The following SPATA12 variants were observed in gnomAD, a reference collection of about 807,000 sequenced individuals.
SPATA12 encodes spermatogenesis associated 12.
For synonymous variants in SPATA12, 85 were observed against 89.2 expected, an observed-to-expected ratio of 0.95 and a Z score of 0.26; for missense variants, 219 against 226.4, an observed-to-expected ratio of 0.97 and a Z score of 0.21.
intron 1 of SPATA12, among the ~76,000 whole-genome samples, chr3:57,065,423 TGCACTCCA>T (rs1230249140): frequency 1.3e-5 from 2 of 151,718 alleles, no homozygotes; most frequent in Non-Finnish European, 2.9e-5. Context: ...ATTATGTCAC[TGCACTCCA>T]GCCTGGGCAA....
In SPATA12 at chr3:57,073,576, G is replaced by A; in HGVS notation, c.-119G>A. ...TTGGTGGTGGGGTGTGGCTGAAGGT[G>A]AATTGGAACAGTGCACTCAGAGCCA... On this transcript the variant is annotated 5_prime_UTR_variant, in exon 2 of 2. Transcript: ENST00000334325. 6.9e-7 allele frequency: 1 copy of A among 1,445,790 alleles called. No individual in the cohort carries two copies. The highest frequency in any genetic ancestry group is 1.4e-5 in the African/African-American group (1 of 69,984). The allele number at this position is 1,445,790 out of a possible 1,614,324, so 89.6% of individuals were successfully genotyped here.
At chr3:57,067,150 C>G (rs1705583701) in intron 1 of SPATA12, among the ~76,000 whole-genome samples, 1 of 152,016 alleles carries the variant, frequency 6.6e-6, no homozygotes, top group Non-Finnish European at 1.5e-5. Context: ...TATGGCAACC[C>G]AGAAAGAATA....
chr3:57,074,559 T>A lies in SPATA12; in HGVS notation c.*292T>A. On this transcript the variant is annotated 3_prime_UTR_variant, in exon 2 of 2. Coordinates refer to ENST00000334325, the MANE Select transcript of SPATA12 (RefSeq NM_181727.2). ...CTTCACTGTATTAAATGACATCAATTGATCAATCAATCGATCAATCAATGA... is the reference window on the plus strand; with the variant it reads ...CTTCACTGTATTAAATGACATCAATAGATCAATCAATCGATCAATCAATGA... 2.7e-6 allele frequency: 1 copy of A among 369,934 alleles called. No individual in the cohort carries two copies. Among genetic ancestry groups the A allele is most frequent in the East Asian group, 4.8e-5 (1 of 20,948 alleles). The allele number at this position is 369,934 out of a possible 1,614,324, so 22.9% of individuals were successfully genotyped here.
Position 57,074,346 on chromosome 3 carries a change from TC to T in SPATA12, c.*84del. 1.5e-6 allele frequency: 2 copies of T among 1,291,998 alleles called. No individual in the cohort carries two copies. The highest frequency in any genetic ancestry group is 2.2e-6 in the Non-Finnish European group (2 of 915,234). The allele number at this position is 1,291,998 out of a possible 1,614,324, so 80.0% of individuals were successfully genotyped here. A position where few individuals can be genotyped will look rare whatever the true frequency, so the allele number is the denominator to read the frequency against. ...TGCACATGCTATGCCCTCCCTTCCA[TC>T]CCCCACCCCCACCAGGGGTGACTCG... On this transcript the variant is annotated 3_prime_UTR_variant, in exon 2 of 2. Transcript: ENST00000334325.
intron 1 of SPATA12, among the ~76,000 whole-genome samples, chr3:57,064,918 C>T (rs1475474377): frequency 1.3e-5 from 2 of 152,242 alleles, no homozygotes; most frequent in Non-Finnish European, 2.9e-5. Context: ...ATAGTCAACA[C>T]AGTAAATTTT....
At chr3:57,068,919 ATTTTT>A (rs35984791) in intron 1 of SPATA12, among the ~76,000 whole-genome samples, 1 of 138,270 alleles carries the variant, frequency 7.2e-6, no homozygotes, top group Non-Finnish European at 1.6e-5. Context: ...AAAAGATCTG[ATTTTT>A]TTTTTTTTTT....
Position 57,073,768 on chromosome 3 carries a change from ACT to A in SPATA12, c.77_78del (p.Ser26PhefsTer54). 1.2e-6 allele frequency: 2 copies of A among 1,613,990 alleles called. No individual in the cohort carries two copies. Among genetic ancestry groups the A allele is most frequent in the Non-Finnish European group, 1.7e-6 (2 of 1,180,006 alleles). ...GACACCTGGGAAATGAAGGCACTAG[ACT>A]CTTCCAGACTCGTTCCATGGCCACC... is the stretch of plus-strand genomic sequence containing the variant. On this transcript the variant is annotated frameshift_variant, in exon 2 of 2. Coordinates refer to ENST00000334325, the MANE Select transcript of SPATA12 (RefSeq NM_181727.2). LOFTEE classifies it low-confidence loss of function (END_TRUNC).
At chr3:57,063,102 C>A (rs1452008424) in intron 1 of SPATA12, among the ~76,000 whole-genome samples, 1 of 152,152 alleles carries the variant, frequency 6.6e-6, no homozygotes, top group African/African-American at 2.4e-5. Context: ...AAATGAGGGA[C>A]CAAGCTCTGC....
chr3:57,074,427 G>C lies in SPATA12; in HGVS notation c.*160G>C. ...ATCACTTTTTCCAAGAAGCCTCCCT[G>C]TCACACTTCCCCAATATCACAGATG... On this transcript the variant is annotated 3_prime_UTR_variant, in exon 2 of 2. Coordinates refer to ENST00000334325, the MANE Select transcript of SPATA12 (RefSeq NM_181727.2). 5 of 639,282 alleles carry C rather than the reference G, an allele frequency of 7.8e-6. No individual in the cohort carries two copies. In the South Asian group the frequency reaches 9.9e-5, roughly 13 times the overall value. The allele number at this position is 639,282 out of a possible 1,614,324, so 39.6% of individuals were successfully genotyped here. A position where few individuals can be genotyped will look rare whatever the true frequency, so the allele number is the denominator to read the frequency against.
At chr3:57,063,647 A>C (rs1302078703) in intron 1 of SPATA12, among the ~76,000 whole-genome samples, 2 of 152,174 alleles carry the variant, frequency 1.3e-5, no homozygotes. Flanking sequence ...AGAGTCGGGC[A>C]TCCTAGAAGC....
At position 57,073,983 on chromosome 3, in the gene SPATA12, T is replaced by G. The variant is rs1478247214; in HGVS notation, c.289T>G (p.Ser97Ala). 1.2e-6 allele frequency: 2 copies of G among 1,614,086 alleles called. No homozygotes were observed. Among genetic ancestry groups the G allele is most frequent in the Non-Finnish European group, 8.5e-7 (1 of 1,180,050 alleles). ...AGCCATCTCTCTTGACATCGCTGTATCCCAAATAAATCTTCTGGGAAGACC... is the reference window on the plus strand; with the variant it reads ...AGCCATCTCTCTTGACATCGCTGTAGCCCAAATAAATCTTCTGGGAAGACC... ...QAAISLDIAV[S>A]QINLLGRPSS... Residue 97 changes from serine (S) to alanine (A), a missense_variant, in exon 2 of 2, where the codon TCC becomes GCC. Coordinates refer to ENST00000334325, the MANE Select transcript of SPATA12 (RefSeq NM_181727.2).
intron 1 of SPATA12, among the ~76,000 whole-genome samples, chr3:57,067,592 T>C (rs1182982250): frequency 6.6e-6 from 1 of 151,034 alleles, no homozygotes; most frequent in Non-Finnish European, 1.5e-5. Flanking sequence ...CCCAGCACAC[T>C]GGGAGGCTGA....
intron 1 of SPATA12, among the ~76,000 whole-genome samples, chr3:57,069,045 C>T (rs557474536): frequency 1.1e-4 from 16 of 151,834 alleles, no homozygotes; most frequent in African/African-American, 3.9e-4. Flanking sequence ...CTCAGCCTCT[C>T]TCTAGTAACT....
intron 1 of SPATA12, among the ~76,000 whole-genome samples, chr3:57,069,586 T>C (rs773641930): frequency 1.9e-4 from 29 of 152,238 alleles, no homozygotes; most frequent in Non-Finnish European, 3.5e-4. Flanking sequence ...AAATCATGTA[T>C]TTGTGCTGTG....
intron 1 of SPATA12, among the ~76,000 whole-genome samples, chr3:57,068,587 T>C (rs75872475): frequency 0.026 from 3,995 of 152,210 alleles, 169 homozygotes; most frequent in African/African-American, 0.09. Context: ...ACCATTTGAG[T>C]TTGCAAGACT....
rs1268850159 is a variant in SPATA12 at position 57,073,938 on chromosome 3, T to C, written c.244T>C (p.Cys82Arg). 1 of 1,614,220 alleles carries C rather than the reference T, an allele frequency of 6.2e-7. No individual in the cohort carries two copies. The highest frequency in any genetic ancestry group is 1.7e-5 in the Admixed American group (1 of 60,030). ...GGGGGATGTGTGCCAAAGTGAGACC[T>C]GTCAGAGATATTTACAAGCAGCCAT... ...FQGDVCQSET[C>R]QRYLQAAISL... Residue 82 changes from cysteine (C) to arginine (R), a missense_variant, in exon 2 of 2, where the codon TGT (cysteine) becomes CGT (arginine). Coordinates refer to ENST00000334325, the MANE Select transcript of SPATA12 (RefSeq NM_181727.2).
At chr3:57,068,114 G>A (rs774709896) in intron 1 of SPATA12, among the ~76,000 whole-genome samples, 9 of 151,928 alleles carry the variant, frequency 5.9e-5, no homozygotes, top group African/African-American at 7.3e-5. Context: ...CACTAGACAC[G>A]CATAGGGTAA....
rs555793197 is a variant in SPATA12, at chr3:57,067,262, T to C, written c.-329-6104T>C. On this transcript the variant is annotated intron_variant, in intron 1 of 1. Coordinates refer to ENST00000334325, the MANE Select transcript of SPATA12 (RefSeq NM_181727.2). ...GTCAGGAGATCGAGACTATCCTGGC[T>C]AACACGGTGAAACCCTGTCTCTTCT... 5.3e-5 allele frequency among the ~76,000 whole-genome samples: 8 copies of C among 151,676 alleles called. No homozygotes were observed. In the South Asian group the frequency reaches 6.2e-4, roughly 12 times the overall value.
At chr3:57,069,902 C>T (rs533207167) in intron 1 of SPATA12, among the ~76,000 whole-genome samples, 1 of 152,350 alleles carries the variant, frequency 6.6e-6, no homozygotes, top group South Asian at 2.1e-4. Context: ...ACTTCAACCT[C>T]CCAAAGTGCT....
Sources: allele counts gnomAD v4.1 joint callset (sites outside exome capture counted in the v4.1 genomes callset), GRCh38; gene constraint gnomAD v4.1.1; transcripts MANE v1.5; gene names NCBI Gene and HGNC (gene_info 2026-07-23, HGNC 2026-07-21).